The following CSMD1 variants were observed in gnomAD, a reference collection of about 807,000 sequenced individuals.
CSMD1 encodes CUB and Sushi multiple domains 1.
CSMD1 carries 213 observed loss-of-function variants against 417.5 expected under a neutral mutation model. The ratio of observed to expected loss-of-function variants is 0.51; its 90% confidence interval spans 0.46 to 0.57. The LOEUF is 0.57. Ranked by LOEUF, CSMD1 falls within the 20% of genes least tolerant of loss-of-function variation. CSMD1 has a pLI of 0.00. For missense variants in CSMD1, 6,923 were observed against 4,529.7 expected (o/e 1.53, Z -15.17); for synonymous variants, 2,862 against 1,736.8 (o/e 1.65, Z -16.11).
chr8:2,942,628 A>G lies in CSMD1; in HGVS notation c.10403-24T>C, dbSNP rs560246209. The G allele has an allele frequency of 7.2e-6, 11 of 1,532,678 alleles. No individual in the cohort carries two copies. The Admixed American group carries it at 1.4e-4, about 20-fold the overall frequency. The allele number at this position is 1,532,678 out of a possible 1,614,324, so 94.9% of individuals were successfully genotyped here. A position where few individuals can be genotyped will look rare whatever the true frequency, so the allele number is the denominator to read the frequency against. ...ATCTGTAAGATAAAGGAAATATTAA[A>G]TTTGTTGTTACTGTACTCTGCTTAA... is the stretch of plus-strand genomic sequence containing the variant. On this transcript the variant is annotated intron_variant, in intron 68 of 69. Coordinates refer to ENST00000635120, the MANE Select transcript of CSMD1 (RefSeq NM_033225.6).
chr8:4,386,483 C>T (rs774455624), intron 3 of CSMD1, among the ~76,000 whole-genome samples: 3 of 152,228 alleles, frequency 2.0e-5, no homozygotes, highest in Non-Finnish European at 4.4e-5. Context: ...ACCTTATCTC[C>T]CAGTCTCCAA....
At chr8:3,526,992 T>A (rs891938110) in intron 10 of CSMD1, among the ~76,000 whole-genome samples, 8 of 152,006 alleles carry the variant, frequency 5.3e-5, no homozygotes, top group African/African-American at 1.9e-4. Flanking sequence ...TGGGGCTATA[T>A]CCTTTTCTGG....
At chr8:2,949,027 T>A (rs1802440285) in intron 68 of CSMD1, among the ~76,000 whole-genome samples, 1 of 152,024 alleles carries the variant, frequency 6.6e-6, no homozygotes, top group Admixed American at 6.6e-5. Flanking sequence ...TTGCTTATAC[T>A]TTGATTTTCA....
chr8:4,586,246 C>CTA (rs1368662110), intron 2 of CSMD1, among the ~76,000 whole-genome samples: 1 of 152,146 alleles, frequency 6.6e-6, no homozygotes, highest in Admixed American at 6.6e-5. Context: ...CTTCCAAGTA[C>CTA]TAGTTCTTAT....
At chr8:3,419,106 G>C (rs1813330191) in intron 12 of CSMD1, among the ~76,000 whole-genome samples, 1 of 152,204 alleles carries the variant, frequency 6.6e-6, no homozygotes, top group African/African-American at 2.4e-5. Context: ...GAACCTCATG[G>C]AGGTCGAGGC....
At chr8:4,004,664 C>A (rs1359312029) in intron 4 of CSMD1, among the ~76,000 whole-genome samples, 1 of 152,050 alleles carries the variant, frequency 6.6e-6, no homozygotes, top group Non-Finnish European at 1.5e-5. Context: ...ATGAAATAGT[C>A]ACTTTCTTAA....
chr8:4,277,207 A>ATG (rs1796536293), intron 3 of CSMD1, among the ~76,000 whole-genome samples: 1 of 143,092 alleles, frequency 7.0e-6, no homozygotes, highest in Non-Finnish European at 1.5e-5. Flanking sequence ...ACATATATAT[A>ATG]TATATATATA....
intron 3 of CSMD1, among the ~76,000 whole-genome samples, chr8:4,143,930 T>G (rs894604164): frequency 4.0e-5 from 6 of 151,302 alleles, no homozygotes; most frequent in Admixed American, 6.6e-5. Flanking sequence ...TGGCCCGTGT[T>G]GCAGATGAAG....
At chr8:3,562,884 T>A (rs370357639) in intron 10 of CSMD1, among the ~76,000 whole-genome samples, 5 of 152,052 alleles carry the variant, frequency 3.3e-5, no homozygotes, top group African/African-American at 9.7e-5. Flanking sequence ...AAGTTTACCT[T>A]TTAACAAACC....
At chr8:4,003,326 G>C (rs931976584) in intron 4 of CSMD1, among the ~76,000 whole-genome samples, 2 of 152,030 alleles carry the variant, frequency 1.3e-5, no homozygotes, top group African/African-American at 2.4e-5. Context: ...CTGGGAGGTG[G>C]AGCTTGCAGT....
intron 1 of CSMD1, among the ~76,000 whole-genome samples, chr8:4,951,293 C>A (rs891984405): frequency 6.6e-6 from 1 of 152,118 alleles, no homozygotes; most frequent in African/African-American, 2.4e-5. Context: ...AAATTGTTCA[C>A]GCTCAGTCTT....
intron 26 of CSMD1, among the ~76,000 whole-genome samples, chr8:3,271,923 T>A (rs1467702019): frequency 2.0e-5 from 3 of 152,198 alleles, no homozygotes; most frequent in Admixed American, 6.5e-5. Context: ...GTGCAGAAGC[T>A]CTTCAGTTTA....
At chr8:3,690,331 G>A (rs2129032496) in intron 7 of CSMD1, among the ~76,000 whole-genome samples, 1 of 152,312 alleles carries the variant, frequency 6.6e-6, no homozygotes, top group East Asian at 1.9e-4. Flanking sequence ...ACTGCAGCCT[G>A]GGTGACAGAA....
intron 1 of CSMD1, among the ~76,000 whole-genome samples, chr8:4,793,673 A>C (rs1447660799): frequency 6.6e-6 from 1 of 152,086 alleles, no homozygotes; most frequent in Non-Finnish European, 1.5e-5. Context: ...GCCTCTGCTC[A>C]GGAGAAGAAA....
intron 18 of CSMD1, among the ~76,000 whole-genome samples, chr8:3,374,386 G>C (rs138866825): frequency 1.0e-3 from 159 of 152,136 alleles, no homozygotes; most frequent in Non-Finnish European, 1.6e-3. Flanking sequence ...GATGCTTCTG[G>C]GCATAGAACA....
At chr8:3,542,762 G>C (rs1798493813) in intron 10 of CSMD1, among the ~76,000 whole-genome samples, 1 of 152,302 alleles carries the variant, frequency 6.6e-6, no homozygotes, top group East Asian at 1.9e-4. Context: ...GAACAGCTTG[G>C]ACTCTCTTCC....
intron 1 of CSMD1, among the ~76,000 whole-genome samples, chr8:4,772,163 T>A (rs113832372): frequency 1.3e-5 from 2 of 152,056 alleles, no homozygotes; most frequent in Admixed American, 1.3e-4. Flanking sequence ...GTGGTAGGGA[T>A]GAAGTCCTGT....
chr8:4,569,968 T>A (rs763288403), intron 2 of CSMD1, among the ~76,000 whole-genome samples: 3 of 152,230 alleles, frequency 2.0e-5, no homozygotes, highest in Non-Finnish European at 4.4e-5. Context: ...GGAATGCTTG[T>A]GATTTTTGCA....
intron 1 of CSMD1, among the ~76,000 whole-genome samples, chr8:4,924,838 A>C (rs1168676328): frequency 2.0e-5 from 3 of 151,776 alleles, no homozygotes; most frequent in African/African-American, 7.3e-5. Flanking sequence ...AGATTATTAC[A>C]GTTCGGGAAG....
Sources: gnomAD v4.1 joint callset for allele counts (sites outside exome capture counted in the v4.1 genomes callset) on GRCh38, gnomAD v4.1.1 for gene constraint, MANE v1.5 for transcripts, NCBI Gene and HGNC (gene_info 2026-07-23, HGNC 2026-07-21) for gene names.